Variants in LRRC4C observed in about 807,000 individuals in gnomAD.
LRRC4C encodes leucine-rich repeat-containing protein 4C.
LRRC4C carries 5 observed loss-of-function variants against 33.6 expected under a neutral mutation model. The observed-to-expected ratio is 0.15, with a 90% CI of 0.08 to 0.31. The LOEUF is 0.31. LRRC4C is among the 10% of genes least tolerant of loss of function. The pLI is 1.00. For synonymous variants in LRRC4C, 329 were observed against 302.0 expected (o/e 1.09, Z -0.93); for missense variants, 560 against 796.7 (o/e 0.70, Z 3.58).
chr11:40,718,719 A>G (rs182281626), intron 2 of LRRC4C, among the ~76,000 whole-genome samples: 37 of 152,330 alleles, frequency 2.4e-4, no homozygotes, highest in Middle Eastern at 6.8e-3. Context: ...TCACAAAAGC[A>G]TGCTGCTATT....
chr11:40,604,059 A>G (rs1591250018), intron 3 of LRRC4C, among the ~76,000 whole-genome samples: 1 of 152,182 alleles, frequency 6.6e-6, no homozygotes, highest in East Asian at 1.9e-4. Context: ...TTAATCACAC[A>G]TACAAACACA....
At chr11:40,918,632 T>C (rs1356699167) in intron 2 of LRRC4C, among the ~76,000 whole-genome samples, 1 of 152,084 alleles carries the variant, frequency 6.6e-6, no homozygotes, top group Non-Finnish European at 1.5e-5. Context: ...GCTTTTTAAA[T>C]AGGAAGAAGA....
intron 1 of LRRC4C, among the ~76,000 whole-genome samples, chr11:41,131,139 T>G (rs1942992274): frequency 6.6e-6 from 1 of 152,038 alleles, no homozygotes; most frequent in Non-Finnish European, 1.5e-5. Context: ...TAGTATGTCA[T>G]AAGCATCAGA....
At chr11:40,745,120 G>T (rs1385114262) in intron 2 of LRRC4C, among the ~76,000 whole-genome samples, 1 of 152,140 alleles carries the variant, frequency 6.6e-6, no homozygotes, top group African/African-American at 2.4e-5. Flanking sequence ...CTCTTAAGTT[G>T]TTTATGGTCC....
intron 2 of LRRC4C, among the ~76,000 whole-genome samples, chr11:40,734,248 A>C (rs1464990045): frequency 1.3e-5 from 2 of 151,952 alleles, no homozygotes; most frequent in Non-Finnish European, 1.5e-5. Flanking sequence ...CAATTATTAA[A>C]CCCCCTGTAA....
At chr11:40,663,648 T>C (rs1161232501) in intron 2 of LRRC4C, among the ~76,000 whole-genome samples, 1 of 152,116 alleles carries the variant, frequency 6.6e-6, no homozygotes, top group Admixed American at 6.5e-5. Flanking sequence ...AAGATGCATA[T>C]CTAAATAGAA....
At chr11:40,986,579 A>T (rs1234470189) in intron 1 of LRRC4C, among the ~76,000 whole-genome samples, 2 of 152,132 alleles carry the variant, frequency 1.3e-5, no homozygotes, top group Middle Eastern at 3.4e-3. Flanking sequence ...GCAATAAGAG[A>T]ACAAAAAAGA....
chr11:40,340,907 G>C (rs1946836518), intron 3 of LRRC4C, among the ~76,000 whole-genome samples: 1 of 152,264 alleles, frequency 6.6e-6, no homozygotes, highest in Middle Eastern at 3.4e-3. Context: ...TCTACCATGG[G>C]TGAAGGTTTG....
At chr11:40,422,693 A>C (rs1021688684) in intron 3 of LRRC4C, among the ~76,000 whole-genome samples, 10 of 54,738 alleles carry the variant, frequency 1.8e-4, no homozygotes, top group Non-Finnish European at 4.1e-4. Context: ...CTCATTTTAC[A>C]AAAAAAAAAA....
chr11:40,348,969 A>G (rs2137066979), intron 3 of LRRC4C, among the ~76,000 whole-genome samples: 1 of 152,234 alleles, frequency 6.6e-6, no homozygotes, highest in East Asian at 1.9e-4. Flanking sequence ...AGGTGTATAT[A>G]TTTGTGGGGT....
At chr11:40,834,626 T>G (rs1952578589) in intron 2 of LRRC4C, among the ~76,000 whole-genome samples, 1 of 152,084 alleles carries the variant, frequency 6.6e-6, no homozygotes, top group Non-Finnish European at 1.5e-5. Context: ...GACAAATGTC[T>G]CATGTAAATG....
At chr11:40,560,442 T>TTG (rs66917448) in intron 3 of LRRC4C, among the ~76,000 whole-genome samples, 16,676 of 149,318 alleles carry the variant, frequency 0.11, 1,017 homozygotes, top group African/African-American at 0.16. Context: ...GTGCCTGTGT[T>TTG]TGTGTGTGTG....
At chr11:40,521,859 C>T (rs891399872) in intron 3 of LRRC4C, among the ~76,000 whole-genome samples, 3 of 151,584 alleles carry the variant, frequency 2.0e-5, no homozygotes, top group Non-Finnish European at 4.4e-5. Context: ...CAGAGCGAGA[C>T]ACCGTCTCAA....
rs569050329 is a variant in LRRC4C at position 40,527,086 on chromosome 11, G to A, written c.-270+121056C>T. On this transcript the variant is annotated intron_variant, in intron 3 of 6. Coordinates refer to ENST00000528697, the MANE Select transcript of LRRC4C (RefSeq NM_001258419.2). ...CAGGCAAAATTAATTTATCCTGATA[G>A]AGATCAATACAGTCATCACCCTGCA... Among the ~76,000 whole-genome samples, 4 of 152,240 alleles carry A rather than the reference G, an allele frequency of 2.6e-5. No individual in the cohort carries two copies. In the South Asian group the frequency reaches 8.3e-4, roughly 31 times the overall value.
intron 2 of LRRC4C, among the ~76,000 whole-genome samples, chr11:40,827,993 C>A (rs1385389217): frequency 6.6e-6 from 1 of 151,676 alleles, no homozygotes; most frequent in Non-Finnish European, 1.5e-5. Context: ...CTTTTAGAGT[C>A]TCTTCTACAT....
intron 2 of LRRC4C, among the ~76,000 whole-genome samples, chr11:40,757,629 A>T (rs1949017895): frequency 7.0e-6 from 1 of 142,598 alleles, no homozygotes; most frequent in Non-Finnish European, 1.5e-5. Context: ...TTTTTTTCTC[A>T]GCAAGCTGTT....
intron 1 of LRRC4C, among the ~76,000 whole-genome samples, chr11:41,456,324 G>A (rs1956170387): frequency 1.3e-5 from 2 of 151,698 alleles, no homozygotes; most frequent in Non-Finnish European, 1.5e-5. Context: ...CAGGGCCAGA[G>A]CTCCAAAAGC....
At chr11:40,549,746 A>G (rs940396388) in intron 3 of LRRC4C, among the ~76,000 whole-genome samples, 4 of 152,158 alleles carry the variant, frequency 2.6e-5, no homozygotes, top group Admixed American at 6.5e-5. Flanking sequence ...ATTAAATACC[A>G]TTGCTAAAGT....
chr11:40,346,954 T>C (rs555397032), intron 3 of LRRC4C, among the ~76,000 whole-genome samples: 1 of 152,332 alleles, frequency 6.6e-6, no homozygotes, highest in South Asian at 2.1e-4. Context: ...TTAAGGGTCC[T>C]AGGATCTGCA....
Sources: gnomAD v4.1 joint callset for allele counts (sites outside exome capture counted in the v4.1 genomes callset) on GRCh38, gnomAD v4.1.1 for gene constraint, MANE v1.5 for transcripts, NCBI Gene and HGNC (gene_info 2026-07-23, HGNC 2026-07-21) for gene names.